Variants in ZNF292 observed in about 807,000 individuals in gnomAD.
The protein encoded by ZNF292 is 16 zinc-finger domain protein.
A neutral mutation model predicts 217.9 loss-of-function variants in ZNF292; 26 were observed. That is an observed-to-expected ratio of 0.12 (90% confidence interval 0.09 to 0.17). The LOEUF (loss-of-function observed/expected upper bound fraction) is 0.17, where lower values mean the gene tolerates loss of function less well. Among genes scored for constraint, ZNF292 ranks in the 10% least tolerant of loss-of-function variants. The pLI, the probability that ZNF292 is intolerant of heterozygous loss-of-function variation, is 1.00. For missense variants in ZNF292, 2,904 were observed against 3,175.2 expected (o/e 0.91, Z 2.05); for synonymous variants, 1,257 against 1,124.1 (o/e 1.12, Z -2.37).
At chr6:87,194,933 A>G (rs201086079) in intron 1 of ZNF292, among the ~76,000 whole-genome samples, 1 of 23,444 alleles carries the variant, frequency 4.3e-5, no homozygotes, top group South Asian at 1.3e-3. Context: ...AGCTCATTTG[A>G]AAAAAAAAAA....
intron 1 of ZNF292, among the ~76,000 whole-genome samples, chr6:87,183,318 T>C (rs187569012): frequency 9.6e-4 from 146 of 152,278 alleles, no homozygotes; most frequent in Middle Eastern, 3.4e-3. Flanking sequence ...TTAAAATATA[T>C]ATTGTTATCA....
chr6:87,236,853 A>G (rs758896392), intron 5 of ZNF292, among the ~76,000 whole-genome samples: 4 of 152,324 alleles, frequency 2.6e-5, no homozygotes, highest in Middle Eastern at 3.4e-3. Context: ...TCTCATGGCT[A>G]CATAATTCCA....
At chr6:87,243,420 C>T (rs1774413161) in intron 5 of ZNF292, 55 bp from the exon 6 acceptor site, 5 of 1,441,656 alleles carry the variant, frequency 3.5e-6, no homozygotes, top group Non-Finnish European at 4.6e-6. Flanking sequence ...GTATATTGCT[C>T]TATATTCTAA....
chr6:87,254,035 A>G (rs1775073337), intron 7 of ZNF292, among the ~76,000 whole-genome samples: 1 of 152,238 alleles, frequency 6.6e-6, no homozygotes, highest in Admixed American at 6.5e-5. Flanking sequence ...GCCATGAGGT[A>G]GGTAATTTGA....
chr6:87,227,029 G>A (rs1443742021), intron 4 of ZNF292, among the ~76,000 whole-genome samples: 1 of 152,052 alleles, frequency 6.6e-6, no homozygotes, highest in East Asian at 1.9e-4. Flanking sequence ...TCAGAATTTA[G>A]TTAAATCTAA....
At chr6:87,244,517 T>C (rs1308976821) in intron 6 of ZNF292, among the ~76,000 whole-genome samples, 1 of 152,160 alleles carries the variant, frequency 6.6e-6, no homozygotes, top group Admixed American at 6.5e-5. Flanking sequence ...CATTATAAGC[T>C]CTTGAAGGGC....
At chr6:87,156,850 A>G (rs1770560072) in intron 1 of ZNF292, among the ~76,000 whole-genome samples, 1 of 152,228 alleles carries the variant, frequency 6.6e-6, no homozygotes, top group African/African-American at 2.4e-5. Flanking sequence ...ACTTAGGTTT[A>G]AAATTTCAAG....
rs748490638 is a variant in ZNF292, at chr6:87,155,565, G to T, written c.-27G>T. On this transcript the variant is annotated 5_prime_UTR_variant, in exon 1 of 8. Transcript: ENST00000369577. ...CATTGTGTTATCACGTGACCCAGGTGCGTACGCGACGGAGCGGGGTGTGAA... is the reference window on the plus strand; with the variant it reads ...CATTGTGTTATCACGTGACCCAGGTTCGTACGCGACGGAGCGGGGTGTGAA... 4 of 1,564,326 alleles carry T rather than the reference G, an allele frequency of 2.6e-6. No individual in the cohort carries two copies. The African/African-American group carries it at 4.1e-5, about 16-fold the overall frequency.
chr6:87,255,605 A>T lies in ZNF292; in HGVS notation c.1976A>T (p.Asp659Val), dbSNP rs1246207774. 1.9e-6 allele frequency: 3 copies of T among 1,611,746 alleles called. No individual in the cohort carries two copies. Among genetic ancestry groups the T allele is most frequent in the Non-Finnish European group, 2.5e-6 (3 of 1,178,718 alleles). The change falls in exon 8 of 8, where the codon GAT becomes GTT. Residue 659 changes from aspartate to valine, a missense_variant. By Grantham distance (152) the Asp-to-Val change is radical. Coordinates refer to ENST00000369577, the MANE Select transcript of ZNF292 (RefSeq NM_015021.3). ...NDNDGSDDENDDKDKSYEPEV... is the reference protein window; with the variant it reads ...NDNDGSDDENVDKDKSYEPEV... Reference sequence around the variant, plus strand: ...AATGATGGTTCAGATGATGAGAATGATGACAAAGATAAATCCTATGAGCCA... The same window carrying T: ...AATGATGGTTCAGATGATGAGAATGTTGACAAAGATAAATCCTATGAGCCA...
Position 87,257,109 on chromosome 6 carries a change from G to A in ZNF292, c.3480G>A (p.Pro1160=), listed in dbSNP as rs751116513. ...AGTTTGTTTATTTTTTGCCATCACC[G>A]GTGAACAGCTCAAATCCATTTTTTA... ...NGKFVYFLPS[P]VNSSNPFFTS... Residue 1160 remains proline (P), a synonymous_variant, in exon 8 of 8, where the codon CCG becomes CCA. Coordinates refer to ENST00000369577, the MANE Select transcript of ZNF292 (RefSeq NM_015021.3). 2.5e-5 allele frequency: 41 copies of A among 1,613,688 alleles called. No homozygotes were observed. The East Asian group carries it at 4.0e-4, about 16-fold the overall frequency.
In ZNF292 at chr6:87,259,893, AAAG is replaced by A. The variant is rs764334377; in HGVS notation, c.6265_6267del (p.Lys2089del). 4.7e-5 allele frequency: 76 copies of A among 1,613,480 alleles called. No individual in the cohort carries two copies. Among genetic ancestry groups the A allele is most frequent in the African/African-American group, 2.9e-4 (22 of 74,920 alleles). ...GGAAGATTAGGAGGCATAAAAAAGA[AAAG>A]GAGGAGAAAAAACGAAAGAAGCCAG... On this transcript the variant is annotated inframe_deletion, in exon 8 of 8. Coordinates refer to ENST00000369577, the MANE Select transcript of ZNF292 (RefSeq NM_015021.3).
At chr6:87,160,576 TA>T (rs1441590177) in intron 1 of ZNF292, among the ~76,000 whole-genome samples, 2 of 151,280 alleles carry the variant, frequency 1.3e-5, no homozygotes, top group African/African-American at 4.9e-5. Context: ...GAGACTCTAA[TA>T]AAAAAATATG....
In ZNF292 at chr6:87,257,981, C is replaced by G. The variant is rs774070975; in HGVS notation, c.4352C>G (p.Pro1451Arg). Residue 1451 changes from proline to arginine, a missense_variant, in exon 8 of 8, where the codon CCA becomes CGA. Around this residue, in one of 15 missense-constraint regions of ZNF292, gnomAD observed 622 missense variants for 573.1 expected, o/e 1.09. Transcript: ENST00000369577. The stretch of plus-strand genomic sequence containing the variant: ...AATCCAGAAGCATGTTTTAAAGATC[C>G]ATCATTTCTACAGCTTCTTGCTGAA... The part of the protein sequence containing the change: ...TFNPEACFKD[P>R]SFLQLLAENR... The G allele has an allele frequency of 1.9e-6, 3 of 1,613,904 alleles. No individual in the cohort carries two copies. The South Asian group carries it at 3.3e-5, about 18-fold the overall frequency.
intron 1 of ZNF292, among the ~76,000 whole-genome samples, chr6:87,161,869 A>C (rs1582363692): frequency 1.3e-5 from 2 of 152,356 alleles, no homozygotes; most frequent in Admixed American, 1.3e-4. Flanking sequence ...CACAAAGACA[A>C]ATCCCCTAAT....
At chr6:87,164,596 A>G (rs942087004) in intron 1 of ZNF292, among the ~76,000 whole-genome samples, 1 of 151,816 alleles carries the variant, frequency 6.6e-6, no homozygotes, top group African/African-American at 2.4e-5. Flanking sequence ...TTTCAATAGC[A>G]CTGCTTCTGC....
intron 1 of ZNF292, among the ~76,000 whole-genome samples, chr6:87,195,916 T>C (rs1771942032): frequency 6.6e-6 from 1 of 151,196 alleles, no homozygotes; most frequent in Non-Finnish European, 1.5e-5. Context: ...TAATCCTTGC[T>C]AACCAGGAGG....
chr6:87,202,952 G>C (rs1383713955), intron 1 of ZNF292, among the ~76,000 whole-genome samples: 1 of 151,764 alleles, frequency 6.6e-6, no homozygotes, highest in Non-Finnish European at 1.5e-5. Context: ...TATATATAGG[G>C]ATAAAATAGT....
intron 1 of ZNF292, among the ~76,000 whole-genome samples, chr6:87,194,928 A>G (rs1352698024): frequency 1.1e-5 from 1 of 89,494 alleles, no homozygotes; most frequent in Admixed American, 1.2e-4. Flanking sequence ...TGAAAAGCTC[A>G]TTTGAAAAAA....
At chr6:87,210,164 T>A (rs1447305963) in intron 1 of ZNF292, among the ~76,000 whole-genome samples, 3 of 152,226 alleles carry the variant, frequency 2.0e-5, no homozygotes, top group East Asian at 3.8e-4. Flanking sequence ...TAGACTCTGC[T>A]TATTTAAATA....
Sources: gnomAD v4.1 joint callset for allele counts (sites outside exome capture counted in the v4.1 genomes callset) on GRCh38, gnomAD v4.1.1 for gene constraint, gnomAD v4.1.1 regional missense constraint, MANE v1.5 for transcripts, NCBI Gene and HGNC (gene_info 2026-07-23, HGNC 2026-07-21) for gene names.